The following ZSWIM3 variants were observed in gnomAD, a reference collection of about 807,000 sequenced individuals.
ZSWIM3 encodes the protein zinc finger SWIM-type containing 3.
A neutral mutation model predicts 47.5 loss-of-function variants in ZSWIM3; 27 were observed. The ratio of observed to expected loss-of-function variants is 0.57; its 90% CI spans 0.42 to 0.78. The LOEUF (loss-of-function observed/expected upper bound fraction) is 0.78, where lower values mean the gene tolerates loss of function less well. Among genes scored for constraint, ZSWIM3 ranks in the 30% least tolerant of loss-of-function variants. The probability of loss-of-function intolerance (pLI) is 0.00; values close to 1 mark genes in which losing one functional copy is unlikely to be tolerated. For synonymous variants in ZSWIM3, 333 were observed against 333.9 expected, an observed-to-expected ratio of 1.00 and a Z score of 0.03; for missense variants, 689 against 861.3, an observed-to-expected ratio of 0.80 and a Z score of 2.50.
chr20:45,878,629 A>C lies in ZSWIM3; in HGVS notation c.2071A>C (p.Thr691Pro). 6.2e-7 allele frequency: 1 copy of C among 1,610,654 alleles called. No individual in the cohort carries two copies. The highest frequency in any genetic ancestry group is 1.1e-5 in the South Asian group (1 of 90,976). Reference sequence around the variant, plus strand: ...AGAAGGGGAGGGATTCCCTCCTGCTACAGCTGTGATGCATTATTGAAGCAC... The same window carrying C: ...AGAAGGGGAGGGATTCCCTCCTGCTCCAGCTGTGATGCATTATTGAAGCAC... ...QEEGEGFPPA[T>P]AVMHY The change falls in exon 2 of 2, where the codon ACA becomes CCA. Residue 691 changes from threonine (T) to proline (P), a missense_variant. Coordinates refer to ENST00000255152, the MANE Select transcript of ZSWIM3 (RefSeq NM_080752.4).
At chr20:45,874,327 C>T (rs1986041770) in intron 1 of ZSWIM3, among the ~76,000 whole-genome samples, 1 of 152,184 alleles carries the variant, frequency 6.6e-6, no homozygotes, top group African/African-American at 2.4e-5. Context: ...GCCTGGCCGA[C>T]ATGGTGAAAC....
Position 45,878,421 on chromosome 20 carries a change from C to T in ZSWIM3, c.1863C>T (p.Asp621=). 4 of 1,614,208 alleles carry T rather than the reference C, an allele frequency of 2.5e-6. No individual in the cohort carries two copies. Among genetic ancestry groups the T allele is most frequent in the Non-Finnish European group, 1.7e-6 (2 of 1,180,046 alleles). Residue 621 remains aspartate, a synonymous_variant, in exon 2 of 2, where the codon GAC becomes GAT. Transcript: ENST00000255152. ...EKQGRNDMIQ[D]LSRELANLLM... ...AAGGACGGAACGACATGATTCAGGA[C>T]CTAAGCAGGGAGTTAGCAAACCTGC...
chr20:45,878,370 C>A lies in ZSWIM3; in HGVS notation c.1812C>A (p.Val604=), dbSNP rs766649703. ...PNGELQDRGM[V]PNTGQPEKQG... ...GGGAGCTCCAGGATCGTGGTATGGT[C>A]CCAAACACAGGCCAGCCTGAGAAGC... The change falls in exon 2 of 2, where the codon GTC becomes GTA. Residue 604 remains valine, a synonymous_variant. Transcript: ENST00000255152. The A allele has an allele frequency of 4.3e-6, 7 of 1,614,068 alleles. No individual in the cohort carries two copies. Among genetic ancestry groups the A allele is most frequent in the Non-Finnish European group, 5.9e-6 (7 of 1,180,042 alleles).
At chr20:45,872,328 A>C (rs1985994197) in intron 1 of ZSWIM3, among the ~76,000 whole-genome samples, 1 of 152,254 alleles carries the variant, frequency 6.6e-6, no homozygotes, top group Non-Finnish European at 1.5e-5. Context: ...GGAGGGGCAG[A>C]CATAAATGGA....
At chr20:45,858,995 C>G (rs971784114) in intron 1 of ZSWIM3, among the ~76,000 whole-genome samples, 4 of 151,986 alleles carry the variant, frequency 2.6e-5, no homozygotes, top group Admixed American at 6.6e-5. Context: ...GGTCTTTGTG[C>G]TAGGGACAAC....
intron 1 of ZSWIM3, among the ~76,000 whole-genome samples, chr20:45,859,816 A>AAAAAAAAAAAAAAAAAAAAC (rs146830909): frequency 3.1e-5 from 4 of 129,304 alleles, no homozygotes; most frequent in Non-Finnish European, 3.2e-5. Context: ...AAAAAAAAAA[A>AAAAAAAAAAAAAAAAAAAAC]CCACAGTTGC....
chr20:45,878,526 C>A lies in ZSWIM3; in HGVS notation c.1968C>A (p.Ser656=), dbSNP rs774688845. Residue 656 remains serine, a synonymous_variant, in exon 2 of 2, where the codon TCC becomes TCA. Transcript: ENST00000255152. ...RKIVDIWAGP[S]QPSELFQQPG... ...TTGTGGATATCTGGGCTGGCCCCTC[C>A]CAGCCATCTGAGCTCTTTCAGCAGC... 3.7e-6 allele frequency: 6 copies of A among 1,614,222 alleles called. No homozygotes were observed. The Admixed American group carries it at 8.3e-5, about 22-fold the overall frequency.
chr20:45,875,136 G>A (rs552639116), intron 1 of ZSWIM3, among the ~76,000 whole-genome samples: 271 of 138,212 alleles, frequency 2.0e-3, no homozygotes, highest in South Asian at 9.5e-3. Context: ...TCCGCCTCCC[G>A]GGTTCACGCC....
intron 1 of ZSWIM3, among the ~76,000 whole-genome samples, chr20:45,871,516 G>A (rs1985973351): frequency 6.6e-6 from 1 of 152,138 alleles, no homozygotes; most frequent in Admixed American, 6.5e-5. Flanking sequence ...CCTAGTCCTA[G>A]CACTATTACT....
chr20:45,869,197 G>C (rs1985911595), intron 1 of ZSWIM3, among the ~76,000 whole-genome samples: 1 of 152,088 alleles, frequency 6.6e-6, no homozygotes, highest in Admixed American at 6.6e-5. Flanking sequence ...GTTCCACCCA[G>C]ATCTTGTTTA....
Position 45,876,743 on chromosome 20 carries a change from G to T in ZSWIM3, c.185G>T (p.Arg62Leu), listed in dbSNP as rs561388900. 1 of 1,613,566 alleles carries T rather than the reference G, an allele frequency of 6.2e-7. No individual in the cohort carries two copies. The highest frequency in any genetic ancestry group is 1.7e-5 in the Admixed American group (1 of 59,958). The change falls in exon 2 of 2, where the codon CGG becomes CTG. Residue 62 changes from arginine (R) to leucine (L), a missense_variant. Coordinates refer to ENST00000255152, the MANE Select transcript of ZSWIM3 (RefSeq NM_080752.4). ...GTGCAGGTGAAATTTGTCTGCATTCGGACCCAATCAAACAGGAAGAGAACG... is the reference window on the plus strand; with the variant it reads ...GTGCAGGTGAAATTTGTCTGCATTCTGACCCAATCAAACAGGAAGAGAACG... ...LYVQVKFVCIRTQSNRKRTRE... is the reference protein window; with the variant it reads ...LYVQVKFVCILTQSNRKRTRE...
chr20:45,873,015 G>T (rs1414593783), intron 1 of ZSWIM3, among the ~76,000 whole-genome samples: 1 of 152,114 alleles, frequency 6.6e-6, no homozygotes. Flanking sequence ...CCTTCCCCTG[G>T]TCTTTGGGCT....
At position 45,876,818 on chromosome 20, in the gene ZSWIM3, G is replaced by T. The variant is rs200339235; in HGVS notation, c.260G>T (p.Arg87Ile). ...PAYLLLRYNE[R>I]LDRLFISELN... ...TACTTGCTCCTAAGGTACAACGAGA[G>T]ACTAGATAGACTATTTATCAGTGAA... Residue 87 changes from arginine to isoleucine, a missense_variant, in exon 2 of 2, where the codon AGA (arginine) becomes ATA (isoleucine). By Grantham distance (97) the Arg-to-Ile change is moderately conservative (BLOSUM62 -3). Transcript: ENST00000255152. The T allele has an allele frequency of 1.9e-6, 3 of 1,614,058 alleles. No homozygotes were observed. The East Asian group carries it at 6.7e-5, about 36-fold the overall frequency.
intron 1 of ZSWIM3, among the ~76,000 whole-genome samples, chr20:45,863,513 C>T (rs1192705396): frequency 6.6e-6 from 1 of 152,200 alleles, no homozygotes. Flanking sequence ...CTTTACAAAG[C>T]ACATTCACCT....
rs755652199 is a variant in ZSWIM3, at chr20:45,878,597, A to G, written c.2039A>G (p.Lys680Arg). 7 of 1,613,388 alleles carry G rather than the reference A, an allele frequency of 4.3e-6. No individual in the cohort carries two copies. Among genetic ancestry groups the G allele is most frequent in the South Asian group, 1.1e-5 (1 of 91,082 alleles). Reference sequence around the variant, plus strand: ...GGCCGCCTCCCTTTCCTCTGGGGAAAGCAAGAAGAAGGGGAGGGATTCCCT... The same window carrying G: ...GGCCGCCTCCCTTTCCTCTGGGGAAGGCAAGAAGAAGGGGAGGGATTCCCT... Reference protein sequence around the residue: ...DVGRLPFLWGKQEEGEGFPPA... With the variant: ...DVGRLPFLWGRQEEGEGFPPA... The change falls in exon 2 of 2, where the codon AAG (lysine) becomes AGG (arginine). Residue 680 changes from lysine to arginine, a missense_variant. Physicochemically the swap from Lys to Arg is conservative, Grantham distance 26. Transcript: ENST00000255152.
intron 1 of ZSWIM3, among the ~76,000 whole-genome samples, chr20:45,859,422 G>A (rs200917758): frequency 1.3e-5 from 1 of 74,792 alleles, no homozygotes; most frequent in Non-Finnish European, 2.7e-5. Context: ...AAAGGAATGT[G>A]GAAAAAAAAA....
At chr20:45,862,338 G>C (rs145475351) in intron 1 of ZSWIM3, among the ~76,000 whole-genome samples, 2,675 of 151,690 alleles carry the variant, frequency 0.018, 78 homozygotes, top group South Asian at 0.11. Flanking sequence ...AGTAGAGACA[G>C]GGTTTCACCA....
chr20:45,866,087 T>C (rs1413487036), intron 1 of ZSWIM3, among the ~76,000 whole-genome samples: 1 of 151,778 alleles, frequency 6.6e-6, no homozygotes, highest in Non-Finnish European at 1.5e-5. Context: ...GAGGATTGCT[T>C]GAGCCCAGGA....
chr20:45,878,003 A>G lies in ZSWIM3; in HGVS notation c.1445A>G (p.Gln482Arg). ...CCAGACGCACAGCAGGTACAGGTAC[A>G]GCAGCAGTCACAAGTGCCGCCCTCG... ...TKPDAQQVQV[Q>R]QQSQVPPSQV... Residue 482 changes from glutamine (Q) to arginine (R), a missense_variant, in exon 2 of 2, where the codon CAG (glutamine) becomes CGG (arginine). Coordinates refer to ENST00000255152, the MANE Select transcript of ZSWIM3 (RefSeq NM_080752.4). 6.2e-7 allele frequency: 1 copy of G among 1,614,212 alleles called. No individual in the cohort carries two copies. Among genetic ancestry groups the G allele is most frequent in the South Asian group, 1.1e-5 (1 of 91,090 alleles).
Sources: allele counts gnomAD v4.1 joint callset (sites outside exome capture counted in the v4.1 genomes callset), GRCh38; gene constraint gnomAD v4.1.1; transcripts MANE v1.5; gene names NCBI Gene and HGNC (gene_info 2026-07-23, HGNC 2026-07-21).